Variants in CDK14 observed in about 807,000 individuals in gnomAD.
The protein encoded by CDK14 is cyclin-dependent kinase 14.
CDK14 carries 34 observed loss-of-function variants against 60.7 expected under a neutral mutation model. The ratio of observed to expected loss-of-function variants is 0.56; its 90% CI spans 0.43 to 0.75. CDK14 has a LOEUF of 0.75. Ranked by LOEUF, CDK14 falls within the 30% of genes least tolerant of loss-of-function variation. CDK14 has a pLI of 0.00. For synonymous variants in CDK14, 197 were observed against 203.7 expected (o/e 0.97, Z 0.28); for missense variants, 482 against 564.1 (o/e 0.85, Z 1.47).
intron 10 of CDK14, among the ~76,000 whole-genome samples, chr7:90,995,722 A>C (rs1205572578): frequency 6.6e-6 from 1 of 152,172 alleles, no homozygotes; most frequent in Non-Finnish European, 1.5e-5. Context: ...TTACTCTTTC[A>C]TCAGAATACT....
chr7:90,954,030 T>C (rs1030169350), intron 8 of CDK14, among the ~76,000 whole-genome samples: 1 of 152,120 alleles, frequency 6.6e-6, no homozygotes, highest in Non-Finnish European at 1.5e-5. Flanking sequence ...TGGAGAAAAA[T>C]TGGGGACCAG....
intron 3 of CDK14, among the ~76,000 whole-genome samples, chr7:90,738,546 A>C (rs1803218885): frequency 6.6e-6 from 1 of 152,172 alleles, no homozygotes; most frequent in African/African-American, 2.4e-5. Flanking sequence ...ACTTTTATTC[A>C]GTTTTTTAAA....
chr7:90,887,320 A>G (rs1209718265), intron 6 of CDK14, among the ~76,000 whole-genome samples: 3 of 152,186 alleles, frequency 2.0e-5, no homozygotes, highest in Admixed American at 2.0e-4. Flanking sequence ...CTATATTGAA[A>G]TAATTTAAAA....
At chr7:90,789,912 C>T (rs898598166) in intron 4 of CDK14, among the ~76,000 whole-genome samples, 3 of 151,930 alleles carry the variant, frequency 2.0e-5, no homozygotes, top group South Asian at 2.1e-4. Flanking sequence ...TTTTAATTGG[C>T]GCCAACACAT....
chr7:90,695,827 G>C (rs1801643528), intron 2 of CDK14, among the ~76,000 whole-genome samples: 1 of 152,170 alleles, frequency 6.6e-6, no homozygotes, highest in Non-Finnish European at 1.5e-5. Context: ...GTTCATGGTG[G>C]CTGGAGTGGA....
At chr7:91,203,986 T>C (rs1456967889) in intron 14 of CDK14, among the ~76,000 whole-genome samples, 4 of 152,164 alleles carry the variant, frequency 2.6e-5, no homozygotes, top group African/African-American at 7.2e-5. Context: ...TGTTCCCATG[T>C]AATTATTTTT....
chr7:91,113,427 G>T (rs1799527105), intron 13 of CDK14, among the ~76,000 whole-genome samples: 1 of 152,094 alleles, frequency 6.6e-6, no homozygotes, highest in Non-Finnish European at 1.5e-5. Flanking sequence ...TTAAATATTT[G>T]GGGGAGGATT....
At chr7:91,049,993 A>C (rs1797345565) in intron 11 of CDK14, among the ~76,000 whole-genome samples, 1 of 152,188 alleles carries the variant, frequency 6.6e-6, no homozygotes, top group Non-Finnish European at 1.5e-5. Context: ...CCCTGAAAAG[A>C]AGACATTTGA....
intron 11 of CDK14, among the ~76,000 whole-genome samples, chr7:91,078,128 T>C (rs971618077): frequency 6.6e-6 from 1 of 152,186 alleles, no homozygotes; most frequent in African/African-American, 2.4e-5. Context: ...CAAGCAATTC[T>C]ATATTGGGGA....
At chr7:91,092,766 C>T (rs1176579474) in intron 12 of CDK14, among the ~76,000 whole-genome samples, 1 of 152,148 alleles carries the variant, frequency 6.6e-6, no homozygotes, top group Non-Finnish European at 1.5e-5. Context: ...ACACGAGGTA[C>T]CACTACTTAA....
intron 8 of CDK14, among the ~76,000 whole-genome samples, chr7:90,930,852 G>A (rs1182105857): frequency 2.0e-5 from 3 of 152,018 alleles, no homozygotes; most frequent in Admixed American, 6.5e-5. Context: ...GCATTGATTT[G>A]TGCTTGTAAT....
At chr7:91,002,493 A>G (rs1176202967) in intron 10 of CDK14, among the ~76,000 whole-genome samples, 1 of 152,198 alleles carries the variant, frequency 6.6e-6, no homozygotes, top group Non-Finnish European at 1.5e-5. Context: ...TTTTGATCCC[A>G]CAGCAGTTTT....
At chr7:91,017,843 G>T (rs1796340474) in intron 10 of CDK14, among the ~76,000 whole-genome samples, 1 of 152,130 alleles carries the variant, frequency 6.6e-6, no homozygotes, top group Admixed American at 6.5e-5. Context: ...GGCCACTAGG[G>T]TACAAATGCT....
intron 14 of CDK14, among the ~76,000 whole-genome samples, chr7:91,119,237 T>G (rs1457042398): frequency 6.6e-6 from 1 of 152,138 alleles, no homozygotes; most frequent in Non-Finnish European, 1.5e-5. Flanking sequence ...TCCCAGCACT[T>G]TGGGAGGCCG....
At chr7:90,772,252 C>T (rs182906714) in intron 4 of CDK14, among the ~76,000 whole-genome samples, 1 of 152,334 alleles carries the variant, frequency 6.6e-6, no homozygotes, top group East Asian at 1.9e-4. Context: ...ACTGCTTTCT[C>T]ACTCAGTCTT....
At chr7:90,730,852 G>A (rs552874908) in intron 3 of CDK14, among the ~76,000 whole-genome samples, 99 of 152,222 alleles carry the variant, frequency 6.5e-4, no homozygotes, top group African/African-American at 2.3e-3. Context: ...GAGCTCTTTC[G>A]TTTAATTAGA....
intron 11 of CDK14, among the ~76,000 whole-genome samples, chr7:91,072,082 C>T (rs906509773): frequency 8.5e-5 from 13 of 152,216 alleles, no homozygotes; most frequent in African/African-American, 2.9e-4. Context: ...CTTAGTCTTT[C>T]CTCCTGCTAG....
intron 9 of CDK14, among the ~76,000 whole-genome samples, chr7:90,969,526 T>C (rs1393584766): frequency 6.6e-6 from 1 of 152,218 alleles, no homozygotes; most frequent in Non-Finnish European, 1.5e-5. Context: ...GCATAAGGAT[T>C]AATACATTTG....
intron 2 of CDK14, among the ~76,000 whole-genome samples, chr7:90,647,495 G>A (rs890365344): frequency 7.9e-6 from 1 of 125,900 alleles, no homozygotes; most frequent in African/African-American, 3.2e-5. Context: ...AGACTGGTTA[G>A]TTTTATTTTT....
Sources: allele counts gnomAD v4.1 joint callset (sites outside exome capture counted in the v4.1 genomes callset), GRCh38; gene constraint gnomAD v4.1.1; transcripts MANE v1.5; gene names NCBI Gene and HGNC (gene_info 2026-07-23, HGNC 2026-07-21).